BAG4: variants seen among roughly 807,000 people sequenced by gnomAD.
BAG4 encodes BAG family molecular chaperone regulator 4.
BAG4 carries 28 observed loss-of-function variants against 52.1 expected under a neutral mutation model. The ratio of observed to expected loss-of-function variants is 0.54; its 90% CI spans 0.40 to 0.74. BAG4 has a LOEUF of 0.74. Ranked by LOEUF, BAG4 falls within the 30% of genes least tolerant of loss-of-function variation. The pLI is 0.00. For missense variants in BAG4, 525 were observed against 572.0 expected (o/e 0.92, Z 0.84); for synonymous variants, 208 against 217.0 (o/e 0.96, Z 0.37).
At chr8:38,188,879 CGCCTCCCAGGT>C (rs1803419935) in intron 1 of BAG4, among the ~76,000 whole-genome samples, 1 of 151,384 alleles carries the variant, frequency 6.6e-6, no homozygotes, top group South Asian at 2.1e-4. Flanking sequence ...CTGCAACCTC[CGCCTCCCAGGT>C]TCAAGCAATT....
At chr8:38,190,017 C>G (rs1803446571) in intron 1 of BAG4, among the ~76,000 whole-genome samples, 1 of 152,160 alleles carries the variant, frequency 6.6e-6, no homozygotes, top group African/African-American at 2.4e-5. Context: ...TATCTCCTGA[C>G]CTCGTGATCC....
chr8:38,207,032 A>G (rs376678803), intron 2 of BAG4, among the ~76,000 whole-genome samples: 71 of 147,402 alleles, frequency 4.8e-4, no homozygotes, highest in African/African-American at 1.4e-3. Context: ...GGCTCACTGC[A>G]ACCTCCGCCT....
intron 3 of BAG4, among the ~76,000 whole-genome samples, chr8:38,208,394 C>T (rs968387466): frequency 6.7e-6 from 1 of 150,054 alleles, no homozygotes; most frequent in Admixed American, 6.7e-5. Flanking sequence ...ACTGCAAGCT[C>T]CACCTCCTGG....
In BAG4 at chr8:38,192,573, ATTG is replaced by A. The variant is rs907875223; in HGVS notation, c.271-114_271-112del. 7.5e-6 allele frequency: 6 copies of A among 797,748 alleles called. No individual in the cohort carries two copies. The African/African-American group carries it at 1.1e-4, about 14-fold the overall frequency. 49.4% of individuals were successfully genotyped at this position (797,748 alleles called of 1,614,324 possible). ...AAGCGTGTGCCACTGTGCCCAGCTT[ATTG>A]CTTTTTGTCTATTGCTTTTTTTTTT... is the stretch of plus-strand genomic sequence containing the variant. On this transcript the variant is annotated intron_variant, in intron 1 of 4. Coordinates refer to ENST00000287322, the MANE Select transcript of BAG4 (RefSeq NM_004874.4).
At position 38,210,591 on chromosome 8, in the gene BAG4, A is replaced by C; in HGVS notation, c.*98A>C. 1.4e-6 allele frequency: 2 copies of C among 1,401,250 alleles called. No individual in the cohort carries two copies. Among genetic ancestry groups the C allele is most frequent in the Non-Finnish European group, 1.9e-6 (2 of 1,045,016 alleles). 86.8% of individuals were successfully genotyped at this position (1,401,250 alleles called of 1,614,324 possible). ...TTTTGAAATGCCTGTTGATGACAAGAAGCAATACATTCCAGCTTTCCTTTG... is the reference window on the plus strand; with the variant it reads ...TTTTGAAATGCCTGTTGATGACAAGCAGCAATACATTCCAGCTTTCCTTTG... On this transcript the variant is annotated 3_prime_UTR_variant, in exon 5 of 5. Coordinates refer to ENST00000287322, the MANE Select transcript of BAG4 (RefSeq NM_004874.4).
intron 1 of BAG4, among the ~76,000 whole-genome samples, chr8:38,181,876 G>A (rs1196701674): frequency 2.7e-5 from 3 of 109,390 alleles, no homozygotes; most frequent in Admixed American, 2.5e-4. Flanking sequence ...GCTGCCTAGC[G>A]AGACTATCTC....
intron 1 of BAG4, among the ~76,000 whole-genome samples, chr8:38,183,856 C>G (rs546600861): frequency 6.6e-6 from 1 of 152,020 alleles, no homozygotes; most frequent in African/African-American, 2.4e-5. Context: ...TCCTTGATTT[C>G]TGGTACAACA....
At chr8:38,177,482 G>C (rs1425026535) in intron 1 of BAG4, among the ~76,000 whole-genome samples, 1 of 152,214 alleles carries the variant, frequency 6.6e-6, no homozygotes, top group East Asian at 1.9e-4. Context: ...AATTTATCCT[G>C]CGTGGCTGGC....
Position 38,180,178 on chromosome 8 carries a change from TAA to T in BAG4, c.270+3042_270+3043del, listed in dbSNP as rs546492500. On this transcript the variant is annotated intron_variant, in intron 1 of 4. Coordinates refer to ENST00000287322, the MANE Select transcript of BAG4 (RefSeq NM_004874.4). ...TTTCAGATTGATGATTCTGAAACTT[TAA>T]AAGTATAGGATGGTAATTTTTCTGC... Among the ~76,000 whole-genome samples the T allele has an allele frequency of 1.9e-3, 284 of 152,254 alleles. 2 individuals are homozygous for T. Among genetic ancestry groups the T allele is most frequent in the African/African-American group, 6.5e-3 (270 of 41,566 alleles).
At chr8:38,180,762 C>T (rs1171045437) in intron 1 of BAG4, among the ~76,000 whole-genome samples, 1 of 152,002 alleles carries the variant, frequency 6.6e-6, no homozygotes, top group African/African-American at 2.4e-5. Context: ...AATCTCTCCT[C>T]TTCCAGACTT....
intron 1 of BAG4, among the ~76,000 whole-genome samples, chr8:38,181,523 G>A (rs901403952): frequency 6.6e-6 from 1 of 151,930 alleles, no homozygotes; most frequent in East Asian, 2.0e-4. Flanking sequence ...GATCATCTGA[G>A]GTCAGGAGTT....
At chr8:38,207,437 GT>G (rs1803789095) in intron 2 of BAG4, 74 bp from the exon 3 acceptor site, 7 of 1,493,306 alleles carry the variant, frequency 4.7e-6, no homozygotes, top group Non-Finnish European at 6.4e-6. Context: ...AAGTTTTCAA[GT>G]TTAGGCATTA....
intron 1 of BAG4, among the ~76,000 whole-genome samples, chr8:38,184,302 A>G (rs915381637): frequency 5.3e-5 from 8 of 151,882 alleles, no homozygotes; most frequent in African/African-American, 7.3e-5. Context: ...TCCTGTCTCT[A>G]CAAAAAATAC....
At chr8:38,182,505 T>G (rs183552709) in intron 1 of BAG4, among the ~76,000 whole-genome samples, 1 of 152,364 alleles carries the variant, frequency 6.6e-6, no homozygotes, top group Admixed American at 6.5e-5. Context: ...ATTAGTTATC[T>G]TGCATAATTT....
chr8:38,181,253 A>G, intron 1 of BAG4, among the ~76,000 whole-genome samples: 1 of 136,200 alleles, frequency 7.3e-6, no homozygotes, highest in African/African-American at 2.8e-5. Context: ...TTTTTTTTTG[A>G]GACGGAGTTT....
In BAG4 at chr8:38,207,598, T is replaced by C. The variant is rs767619956; in HGVS notation, c.465T>C (p.Tyr155=). 9 of 1,613,962 alleles carry C rather than the reference T, an allele frequency of 5.6e-6. No homozygotes were observed. In the East Asian group the frequency reaches 6.7e-5, roughly 12 times the overall value. ...ATACTGCCTCATACTCAGGGGCTTA[T>C]TATGCACCTGGTTATACTCAGACCA... The part of the protein sequence containing the change: ...GANTASYSGA[Y]YAPGYTQTSY... Residue 155 remains tyrosine, a synonymous_variant, in exon 3 of 5, where the codon TAT becomes TAC. Coordinates refer to ENST00000287322, the MANE Select transcript of BAG4 (RefSeq NM_004874.4).
intron 1 of BAG4, among the ~76,000 whole-genome samples, chr8:38,188,663 G>GTACACATATA (rs1563280669): frequency 9.1e-3 from 12 of 1,324 alleles, no homozygotes; most frequent in African/African-American, 0.013. Context: ...ATATATACAT[G>GTACACATATA]TATACATATA....
rs61731142 is a variant in BAG4, at chr8:38,176,942, G to A, written c.73G>A (p.Gly25Ser). The change falls in exon 1 of 5, where the codon GGT (glycine) becomes AGT (serine). Residue 25 changes from glycine (G) to serine (S), a missense_variant. This residue lies in a region of BAG4 where 287 missense variants were observed against 266.1 expected (regional missense o/e 1.08). Coordinates refer to ENST00000287322, the MANE Select transcript of BAG4 (RefSeq NM_004874.4). ...PSYGRYYGPG[G>S]GDVPVHPPPP... ...CTACGGCCGCTACTACGGGCCTGGGGGTGGAGATGTGCCGGTACACCCACC... is the reference window on the plus strand; with the variant it reads ...CTACGGCCGCTACTACGGGCCTGGGAGTGGAGATGTGCCGGTACACCCACC... 5,652 of 1,555,586 alleles carry A rather than the reference G, an allele frequency of 3.6e-3. 17 individuals carry two copies. Among genetic ancestry groups the A allele is most frequent in the Non-Finnish European group, 3.9e-3 (4,474 of 1,149,918 alleles).
Position 38,189,409 on chromosome 8 carries a change from G to A in BAG4, c.271-3279G>A, listed in dbSNP as rs148911248. On this transcript the variant is annotated intron_variant, in intron 1 of 4. Coordinates refer to ENST00000287322, the MANE Select transcript of BAG4 (RefSeq NM_004874.4). ...ACTGAGGACGTACAGTCAAAATAAC[G>A]TGAGCTAAAAGTCATTTGAAGTAAT... Among the ~76,000 whole-genome samples the A allele has an allele frequency of 1.6e-4, 24 of 152,278 alleles. 1 individual carries two copies. In the East Asian group the frequency reaches 2.1e-3, roughly 13 times the overall value.
Sources: allele counts gnomAD v4.1 joint callset (sites outside exome capture counted in the v4.1 genomes callset), GRCh38; gene constraint gnomAD v4.1.1; regional missense constraint gnomAD v4.1.1; transcripts MANE v1.5; gene names NCBI Gene and HGNC (gene_info 2026-07-23, HGNC 2026-07-21).